The following SFMBT1 variants were observed in gnomAD, a reference collection of about 807,000 sequenced individuals.
SFMBT1 encodes Scm like with four mbt domains 1.
A neutral mutation model predicts 108.7 loss-of-function variants in SFMBT1; 32 were observed. The ratio of observed to expected loss-of-function variants is 0.29; its 90% CI spans 0.22 to 0.40. The LOEUF (loss-of-function observed/expected upper bound fraction) is 0.40. SFMBT1 is among the 10% of genes least tolerant of loss of function. SFMBT1 has a pLI of 1.00. For missense variants in SFMBT1, 816 were observed against 1,059.6 expected (o/e 0.77, Z 3.19); for synonymous variants, 348 against 369.5 (o/e 0.94, Z 0.67).
At position 53,003,694 on chromosome 3, in the gene SFMBT1, T is replaced by C. The variant is rs563793056; in HGVS notation, c.-130-34436A>G. On this transcript the variant is annotated intron_variant, in intron 1 of 20. Transcript: ENST00000394752. The stretch of plus-strand genomic sequence containing the variant: ...AAAGAGCACACAGTGACTGACAGCA[T>C]TATATTCATGGATGCTGCTACCCTG... Among the ~76,000 whole-genome samples the C allele has an allele frequency of 2.3e-4, 34 of 148,312 alleles. 2 individuals are homozygous for C. Among genetic ancestry groups the C allele is most frequent in the Middle Eastern group, 6.9e-3 (2 of 290 alleles).
intron 1 of SFMBT1, among the ~76,000 whole-genome samples, chr3:53,003,516 T>C (rs1698630559): frequency 6.7e-6 from 1 of 150,090 alleles, no homozygotes; most frequent in East Asian, 1.9e-4. Flanking sequence ...GGGAACCAAG[T>C]AACATGATAT....
intron 1 of SFMBT1, chr3:53,043,086 T>TA (rs755930600): frequency 3.9e-5 from 6 of 152,206 alleles, no homozygotes; most frequent in Non-Finnish European, 5.9e-5. Context: ...ATCTTTGCAG[T>TA]AAAAAACACA....
intron 1 of SFMBT1, among the ~76,000 whole-genome samples, chr3:52,999,990 T>C (rs896123683): frequency 4.0e-5 from 6 of 150,190 alleles, no homozygotes; most frequent in African/African-American, 7.2e-5. Context: ...TCATGAGTAG[T>C]TGGGACTACA....
In SFMBT1 at chr3:52,949,191, T is replaced by C. The variant is rs569893101; in HGVS notation, c.123+5126A>G. On this transcript the variant is annotated intron_variant, in intron 3 of 20. Transcript: ENST00000394752. ...GTTTGAGAGCACACTGTATGATTTA[T>C]ATTATTTTAAATTTGTTAAGGTGTG... Among the ~76,000 whole-genome samples, 68 of 152,322 alleles carry C rather than the reference T, an allele frequency of 4.5e-4. 1 individual carries two copies. The South Asian group carries it at 0.013, about 30-fold the overall frequency.
At chr3:52,973,689 G>A (rs1180394993) in intron 1 of SFMBT1, among the ~76,000 whole-genome samples, 4 of 151,950 alleles carry the variant, frequency 2.6e-5, no homozygotes, top group Non-Finnish European at 4.4e-5. Flanking sequence ...GGAGTGCAGT[G>A]GCACAATCTC....
intron 1 of SFMBT1, among the ~76,000 whole-genome samples, chr3:52,990,082 A>ATT (rs1171920853): frequency 6.6e-6 from 1 of 152,196 alleles, no homozygotes; most frequent in Non-Finnish European, 1.5e-5. Flanking sequence ...GGGGTTGTTC[A>ATT]TTTTAATTGT....
rs892386307 is a variant in SFMBT1, at chr3:52,916,678, AAACAACAACAACAAC to A, written c.1416-479_1416-465del. ...AGCAGGACTCTGTGTCAAAAAAACC[AAACAACAACAACAAC>A]AACAACAACAACAAAAAACTACAAC... is the stretch of plus-strand genomic sequence containing the variant. On this transcript the variant is annotated intron_variant, in intron 13 of 20. Coordinates refer to ENST00000394752, the MANE Select transcript of SFMBT1 (RefSeq NM_016329.4). Among the ~76,000 whole-genome samples the A allele has an allele frequency of 2.9e-4, 44 of 151,570 alleles. No individual in the cohort carries two copies. In the East Asian group the frequency reaches 6.8e-3, roughly 23 times the overall value.
chr3:52,992,029 C>T (rs139464368), intron 1 of SFMBT1, among the ~76,000 whole-genome samples: 5 of 139,948 alleles, frequency 3.6e-5, no homozygotes, highest in Admixed American at 7.3e-5. Flanking sequence ...AAAACTCCCA[C>T]GACTACCTTC....
intron 12 of SFMBT1, 117 bp from the exon 13 acceptor site, chr3:52,918,643 G>A (rs1472843643): frequency 4.0e-6 from 2 of 500,062 alleles, no homozygotes; most frequent in Non-Finnish European, 6.8e-6. Flanking sequence ...GAGTGTGTGT[G>A]TATATATGTG....
At chr3:52,916,356 C>CTT (rs71087030) in intron 13 of SFMBT1, 142 bp from the exon 14 acceptor site, 302 of 345,756 alleles carry the variant, frequency 8.7e-4, no homozygotes, top group South Asian at 7.9e-3. Context: ...CTTGATGATA[C>CTT]TTTTTTTTTT....
At chr3:53,006,915 C>T (rs1450079288) in intron 1 of SFMBT1, among the ~76,000 whole-genome samples, 1 of 152,226 alleles carries the variant, frequency 6.6e-6, no homozygotes, top group Non-Finnish European at 1.5e-5. Flanking sequence ...CCTTTTATGA[C>T]CACCATTCCA....
intron 1 of SFMBT1, among the ~76,000 whole-genome samples, chr3:53,042,249 C>T (rs1419238302): frequency 6.6e-6 from 1 of 152,216 alleles, no homozygotes; most frequent in Non-Finnish European, 1.5e-5. Flanking sequence ...TGCTACACCA[C>T]CATTCCACAG....
intron 2 of SFMBT1, among the ~76,000 whole-genome samples, chr3:52,964,908 T>C (rs756194975): frequency 8.5e-5 from 13 of 152,184 alleles, no homozygotes; most frequent in Non-Finnish European, 1.3e-4. Context: ...CTTAAATACA[T>C]GAGTTAATAA....
chr3:52,949,568 C>CTTTTTTTTT (rs59842273), intron 3 of SFMBT1, among the ~76,000 whole-genome samples: 1 of 77,386 alleles, frequency 1.3e-5, no homozygotes, highest in African/African-American at 5.7e-5. Flanking sequence ...TAATGTCCTT[C>CTTTTTTTTT]TTTTTTTTTT....
intron 1 of SFMBT1, among the ~76,000 whole-genome samples, chr3:53,000,384 CA>C (rs1383589844): frequency 3.4e-5 from 5 of 147,640 alleles, no homozygotes; most frequent in Non-Finnish European, 7.5e-5. Flanking sequence ...ACCAATAAAA[CA>C]AACTGATATT....
chr3:52,938,140 A>C (rs1301089090), intron 4 of SFMBT1, among the ~76,000 whole-genome samples: 2 of 152,112 alleles, frequency 1.3e-5, no homozygotes, highest in Non-Finnish European at 2.9e-5. Flanking sequence ...TTGCCTGTAC[A>C]TCTTTGTCCT....
chr3:52,921,042 G>GTA (rs1702506496), intron 11 of SFMBT1, among the ~76,000 whole-genome samples: 2 of 152,180 alleles, frequency 1.3e-5, no homozygotes, highest in South Asian at 4.1e-4. Context: ...TCAGGAATAA[G>GTA]CCAGAAAAGA....
chr3:53,042,389 G>T (rs998122644), intron 1 of SFMBT1, among the ~76,000 whole-genome samples: 1 of 152,216 alleles, frequency 6.6e-6, no homozygotes, highest in Admixed American at 6.5e-5. Flanking sequence ...ACCCAGGCTG[G>T]AGTGCAGCAG....
intron 1 of SFMBT1, among the ~76,000 whole-genome samples, chr3:53,040,724 T>C (rs1700012181): frequency 6.6e-6 from 1 of 152,052 alleles, no homozygotes; most frequent in South Asian, 2.1e-4. Flanking sequence ...CTTGGCTCAC[T>C]GAAGTTACTC....
Sources: allele counts gnomAD v4.1 joint callset (sites outside exome capture counted in the v4.1 genomes callset), GRCh38; gene constraint gnomAD v4.1.1; transcripts MANE v1.5; gene names NCBI Gene and HGNC (gene_info 2026-07-23, HGNC 2026-07-21).